Variants in PCNX1 observed in about 807,000 individuals in gnomAD.
PCNX1 encodes the protein pecanex 1.
PCNX1 carries 78 observed loss-of-function variants against 242.2 expected under a neutral mutation model. The ratio of observed to expected loss-of-function variants is 0.32; its 90% CI spans 0.27 to 0.39. The LOEUF (loss-of-function observed/expected upper bound fraction) is 0.39. Among genes scored for constraint, PCNX1 ranks in the 10% least tolerant of loss-of-function variants. The pLI, the probability that PCNX1 is intolerant of heterozygous loss-of-function variation, is 1.00. For synonymous variants in PCNX1, 1,024 were observed against 1,032.9 expected (o/e 0.99, Z 0.17); for missense variants, 2,581 against 2,856.5 (o/e 0.90, Z 2.20).
chr14:70,910,216 C>A (rs1594866103), intron 1 of PCNX1, among the ~76,000 whole-genome samples: 1 of 101,708 alleles, frequency 9.8e-6, no homozygotes, highest in Non-Finnish European at 2.1e-5. Context: ...CGTCCTCCTC[C>A]TCCTCCTCCT....
intron 6 of PCNX1, among the ~76,000 whole-genome samples, chr14:70,984,029 C>T (rs900843572): frequency 1.3e-5 from 2 of 151,358 alleles, no homozygotes; most frequent in African/African-American, 4.8e-5. Context: ...TTATCCTGAA[C>T]ATTACAATGT....
intron 26 of PCNX1, among the ~76,000 whole-genome samples, chr14:71,067,383 C>CTTTCTAGTTTA (rs2061474398): frequency 6.6e-6 from 1 of 151,824 alleles, no homozygotes; most frequent in Non-Finnish European, 1.5e-5. Flanking sequence ...TTTTTCTAGA[C>CTTTCTAGTTTA]TTTCTAGTTT....
chr14:70,908,660 C>T (rs529473091), intron 1 of PCNX1, among the ~76,000 whole-genome samples: 4 of 152,374 alleles, frequency 2.6e-5, no homozygotes, highest in Admixed American at 1.3e-4. Context: ...CGGTTCTTCT[C>T]TGTTCGGCCC....
intron 1 of PCNX1, among the ~76,000 whole-genome samples, chr14:70,931,504 G>A (rs1440750007): frequency 1.4e-5 from 2 of 144,462 alleles, no homozygotes; most frequent in Non-Finnish European, 3.1e-5. Flanking sequence ...CTGATGGATG[G>A]AACTTACAAT....
intron 6 of PCNX1, among the ~76,000 whole-genome samples, chr14:70,986,637 G>A (rs887968868): frequency 2.6e-5 from 4 of 152,074 alleles, no homozygotes; most frequent in African/African-American, 4.8e-5. Context: ...GTATGATTAC[G>A]TACTGCTTTT....
intron 8 of PCNX1, among the ~76,000 whole-genome samples, chr14:71,003,263 G>T (rs1057263756): frequency 5.3e-5 from 8 of 151,290 alleles, no homozygotes; most frequent in Non-Finnish European, 7.4e-5. Flanking sequence ...TTTTATTTTT[G>T]TATTTTTAGT....
At chr14:71,005,997 G>A (rs1390164171) in intron 8 of PCNX1, among the ~76,000 whole-genome samples, 3 of 148,636 alleles carry the variant, frequency 2.0e-5, no homozygotes, top group South Asian at 2.1e-4. Flanking sequence ...AACACAGTTC[G>A]CTGCAGCCGC....
Position 71,051,994 on chromosome 14 carries a change from T to G in PCNX1, c.4559T>G (p.Phe1520Cys). 1.9e-6 allele frequency: 3 copies of G among 1,613,152 alleles called. No individual in the cohort carries two copies. The highest frequency in any genetic ancestry group is 2.5e-6 in the Non-Finnish European group (3 of 1,179,452). Residue 1520 changes from phenylalanine (F) to cysteine (C), a missense_variant, in exon 24 of 36, where the codon TTC becomes TGC. Physicochemically the swap from Phe to Cys is radical, Grantham distance 205 (BLOSUM62 -2). Transcript: ENST00000304743. ...FITSYVRPVK[F>C]WERDYNTKRV... ...ACTTCATATGTCCGACCTGTGAAAT[T>G]CTGGGAGAGAGACTATAAGTGAGTA...
At chr14:71,101,323 G>T (rs2062455458) in intron 30 of PCNX1, among the ~76,000 whole-genome samples, 1 of 152,180 alleles carries the variant, frequency 6.6e-6, no homozygotes, top group African/African-American at 2.4e-5. Context: ...TTTGTAATAG[G>T]GAGATACATT....
chr14:71,024,113 T>C (rs2060176553), intron 13 of PCNX1, among the ~76,000 whole-genome samples: 1 of 152,192 alleles, frequency 6.6e-6, no homozygotes, highest in Admixed American at 6.5e-5. Context: ...ATTTATGATA[T>C]TTGCTTAATC....
intron 1 of PCNX1, among the ~76,000 whole-genome samples, chr14:70,911,807 AT>A (rs1413781159): frequency 6.6e-6 from 1 of 152,216 alleles, no homozygotes; most frequent in Non-Finnish European, 1.5e-5. Context: ...AAAATGGCTA[AT>A]TGGAAGTGTT....
intron 11 of PCNX1, among the ~76,000 whole-genome samples, chr14:71,014,874 C>A (rs2059918938): frequency 1.3e-5 from 2 of 152,002 alleles, no homozygotes; most frequent in African/African-American, 4.8e-5. Context: ...TCAGGAAGCC[C>A]AGTGAACCTC....
intron 6 of PCNX1, among the ~76,000 whole-genome samples, chr14:70,985,989 A>G (rs2058991440): frequency 6.6e-6 from 1 of 152,218 alleles, no homozygotes; most frequent in African/African-American, 2.4e-5. Flanking sequence ...CTGGAAGGGA[A>G]TATTTATCAA....
intron 3 of PCNX1, among the ~76,000 whole-genome samples, chr14:70,966,639 T>G (rs2058387268): frequency 6.6e-6 from 1 of 152,192 alleles, no homozygotes; most frequent in South Asian, 2.1e-4. Flanking sequence ...GTATGACCAA[T>G]TTTGGAACAA....
At chr14:70,972,659 T>C (rs920458666) in intron 5 of PCNX1, among the ~76,000 whole-genome samples, 10 of 152,212 alleles carry the variant, frequency 6.6e-5, no homozygotes, top group African/African-American at 2.4e-4. Flanking sequence ...TCCAAGCCTT[T>C]AGTTGGTTAA....
chr14:70,988,627 A>G lies in PCNX1; in HGVS notation c.2372A>G (p.Gln791Arg). 1 of 1,614,030 alleles carries G rather than the reference A, an allele frequency of 6.2e-7. No homozygotes were observed. The highest frequency in any genetic ancestry group is 8.5e-7 in the Non-Finnish European group (1 of 1,179,910). ...CGTGAACGCAGCACATTTAGGCGCC[A>G]GGCAGTACGGCGCCGGCACAATGCA... ...FRRERSTFRR[Q>R]AVRRRHNAGS... The change falls in exon 7 of 36, where the codon CAG becomes CGG. Residue 791 changes from glutamine to arginine, a missense_variant. Gln to Arg is a conservative substitution (Grantham distance 43). This residue lies in a region of PCNX1 where 1,204 missense variants were observed against 1,216.7 expected (regional missense o/e 0.99). Transcript: ENST00000304743.
intron 18 of PCNX1, 103 bp from the exon 19 acceptor site, chr14:71,035,962 C>A: frequency 1.4e-6 from 1 of 730,220 alleles, no homozygotes. Context: ...ACTGAGCTAG[C>A]CAGGCAAAAA....
intron 24 of PCNX1, among the ~76,000 whole-genome samples, chr14:71,054,984 T>G (rs894613539): frequency 6.6e-6 from 1 of 152,198 alleles, no homozygotes; most frequent in Non-Finnish European, 1.5e-5. Context: ...GTACCACCAG[T>G]GCAGTTGTCA....
intron 15 of PCNX1, among the ~76,000 whole-genome samples, chr14:71,027,631 C>G (rs1336470646): frequency 6.6e-6 from 1 of 151,790 alleles, no homozygotes; most frequent in African/African-American, 2.4e-5. Flanking sequence ...CATTTTCAGG[C>G]CTCATTTATT....
Sources: gnomAD v4.1 joint callset for allele counts (sites outside exome capture counted in the v4.1 genomes callset) on GRCh38, gnomAD v4.1.1 for gene constraint, gnomAD v4.1.1 regional missense constraint, MANE v1.5 for transcripts, NCBI Gene and HGNC (gene_info 2026-07-23, HGNC 2026-07-21) for gene names.